Variants in MBTPS1 observed in about 807,000 individuals in gnomAD.
The protein encoded by MBTPS1 is membrane bound transcription factor peptidase, site 1.
MBTPS1 carries 94 observed loss-of-function variants against 127.8 expected under a neutral mutation model. The ratio of observed to expected loss-of-function variants is 0.74; its 90% CI spans 0.62 to 0.87. MBTPS1 has a LOEUF of 0.87. Ranked by LOEUF, MBTPS1 falls within the 40% of genes least tolerant of loss-of-function variation. The pLI is 0.00. For synonymous variants in MBTPS1, 632 were observed against 509.4 expected (o/e 1.24, Z -3.24); for missense variants, 1,636 against 1,353.2 (o/e 1.21, Z -3.28).
intron 11 of MBTPS1, among the ~76,000 whole-genome samples, chr16:84,078,009 T>C (rs2085886354): frequency 6.6e-6 from 1 of 151,282 alleles, no homozygotes; most frequent in African/African-American, 2.4e-5. Flanking sequence ...AATTAAACAA[T>C]ACTGAAATAC....
chr16:84,098,932 A>C (rs1432539957), intron 3 of MBTPS1, 121 bp downstream of exon 3: 4 of 1,035,606 alleles, frequency 3.9e-6, no homozygotes, highest in Non-Finnish European at 5.7e-6. Flanking sequence ...GAAAATGTTC[A>C]CAATTAGCAA....
In MBTPS1 at chr16:84,067,641, C is replaced by T. The variant is rs1032367141; in HGVS notation, c.2228+26G>A. 1.4e-5 allele frequency: 17 copies of T among 1,244,222 alleles called. No homozygotes were observed. In the Admixed American group the frequency reaches 3.2e-4, roughly 24 times the overall value. 77.1% of individuals were successfully genotyped at this position (1,244,222 alleles called of 1,614,324 possible). ...AATTTGATTCCCCAAAAGTCTTATC[C>T]AAATACCAATGCGTATCAACAGTAC... On this transcript the variant is annotated intron_variant, in intron 16 of 22. Coordinates refer to ENST00000343411, the MANE Select transcript of MBTPS1 (RefSeq NM_003791.4).
rs563774189 is a variant in MBTPS1 at position 84,095,778 on chromosome 16, G to A, written c.449C>T (p.Thr150Ile). The A allele has an allele frequency of 8.1e-6, 13 of 1,613,876 alleles. No homozygotes were observed. Among genetic ancestry groups the A allele is most frequent in the Non-Finnish European group, 1.1e-5 (13 of 1,179,986 alleles). ...TGATTGCCACTTCTGGCTCCACCGG[G>A]TTTCATTGCAGGGTACTGTGGGGTC... The part of the protein sequence containing the change: ...ESDPTVPCNE[T>I]RWSQKWQSSR... The change falls in exon 4 of 23, where the codon ACC becomes ATC. Residue 150 changes from threonine to isoleucine, a missense_variant. Physicochemically the swap from Thr to Ile is moderately conservative, Grantham distance 89 (BLOSUM62 -1). Coordinates refer to ENST00000343411, the MANE Select transcript of MBTPS1 (RefSeq NM_003791.4).
chr16:84,098,695 C>T lies in MBTPS1; in HGVS notation c.421+358G>A, dbSNP rs77324060. Among the ~76,000 whole-genome samples, 66 of 152,224 alleles carry T rather than the reference C, an allele frequency of 4.3e-4. No homozygotes were observed. In the East Asian group the frequency reaches 0.011, roughly 26 times the overall value. On this transcript the variant is annotated intron_variant, in intron 3 of 22. Coordinates refer to ENST00000343411, the MANE Select transcript of MBTPS1 (RefSeq NM_003791.4). ...CAAGGAAGAAGCAGACACAAGGACG[C>T]GTCTTTCAGCACGAGAAGGCGGCCG...
At chr16:84,113,972 T>C (rs1326129097) in intron 1 of MBTPS1, among the ~76,000 whole-genome samples, 3 of 150,998 alleles carry the variant, frequency 2.0e-5, no homozygotes, top group African/African-American at 7.3e-5. Context: ...TTTTTTTTTT[T>C]TTTCTTTTTT....
chr16:84,070,835 G>A (rs1212805855), intron 12 of MBTPS1, 59 bp from the exon 13 acceptor site: 3 of 1,383,628 alleles, frequency 2.2e-6, no homozygotes, highest in African/African-American at 1.5e-5. Context: ...GAAAACACGT[G>A]GAAACCAGAA....
chr16:84,105,305 C>T (rs1158333713), intron 1 of MBTPS1, among the ~76,000 whole-genome samples: 1 of 152,268 alleles, frequency 6.6e-6, no homozygotes, highest in South Asian at 2.1e-4. Flanking sequence ...ACAGAACAAA[C>T]ACGGACTATT....
intron 11 of MBTPS1, among the ~76,000 whole-genome samples, chr16:84,077,913 C>T (rs938991057): frequency 6.7e-6 from 1 of 149,204 alleles, no homozygotes; most frequent in Non-Finnish European, 1.5e-5. Context: ...AAGAAATGAA[C>T]AGACAATTCA....
chr16:84,077,302 A>G (rs1186396347), intron 11 of MBTPS1, among the ~76,000 whole-genome samples: 1 of 149,020 alleles, frequency 6.7e-6, no homozygotes, highest in Admixed American at 6.7e-5. Flanking sequence ...GAAAACAACG[A>G]AAAAAAAAAT....
At chr16:84,093,645 G>T in intron 5 of MBTPS1, 66 bp downstream of exon 5, 1 of 1,087,802 alleles carries the variant, frequency 9.2e-7, no homozygotes, top group South Asian at 1.3e-5. Context: ...ACAGACTGTG[G>T]AATCATGCAC....
intron 22 of MBTPS1, among the ~76,000 whole-genome samples, chr16:84,055,569 G>C (rs1050271142): frequency 1.3e-5 from 2 of 152,186 alleles, no homozygotes; most frequent in African/African-American, 2.4e-5. Context: ...TCCCTCCCAG[G>C]GGGGCAGGGC....
intron 2 of MBTPS1, among the ~76,000 whole-genome samples, chr16:84,100,014 A>G (rs924486284): frequency 2.0e-5 from 3 of 152,214 alleles, no homozygotes; most frequent in African/African-American, 7.2e-5. Flanking sequence ...ATGTGAGACT[A>G]TTTGCTCAGT....
intron 2 of MBTPS1, among the ~76,000 whole-genome samples, chr16:84,100,972 G>A (rs1319204874): frequency 1.0e-4 from 14 of 136,304 alleles, no homozygotes; most frequent in Non-Finnish European, 1.7e-4. Context: ...TGGCTAACAT[G>A]CTGAAACCCC....
In MBTPS1 at chr16:84,109,110, T is replaced by G. The variant is rs553427531; in HGVS notation, c.-324-7003A>C. On this transcript the variant is annotated intron_variant, in intron 1 of 22. Transcript: ENST00000343411. ...GCCCACAATTGGTTCTAAATATCAC[T>G]CTCCACTAAAAGAACCTAGGCTCTT... 2.6e-5 allele frequency among the ~76,000 whole-genome samples: 4 copies of G among 152,262 alleles called. No homozygotes were observed. In the South Asian group the frequency reaches 8.3e-4, roughly 32 times the overall value.
chr16:84,065,535 T>C (rs1416222318), intron 18 of MBTPS1, among the ~76,000 whole-genome samples, 155 bp downstream of exon 18: 1 of 152,192 alleles, frequency 6.6e-6, no homozygotes, highest in Non-Finnish European at 1.5e-5. Flanking sequence ...AACCACCGAA[T>C]TGTACACTTT....
At chr16:84,079,024 G>A (rs1437019724) in intron 11 of MBTPS1, among the ~76,000 whole-genome samples, 6 of 152,222 alleles carry the variant, frequency 3.9e-5, no homozygotes, top group African/African-American at 1.2e-4. Flanking sequence ...GGTCCTGGGG[G>A]AGACCCCTCA....
chr16:84,097,604 T>C (rs1031770521), intron 3 of MBTPS1, among the ~76,000 whole-genome samples: 1 of 152,228 alleles, frequency 6.6e-6, no homozygotes, highest in African/African-American at 2.4e-5. Context: ...TAAAGCATTC[T>C]AGAGCTCTTT....
chr16:84,100,377 T>C (rs1031100642), intron 2 of MBTPS1, among the ~76,000 whole-genome samples: 1 of 152,122 alleles, frequency 6.6e-6, no homozygotes, highest in Non-Finnish European at 1.5e-5. Flanking sequence ...AAACGCAGTC[T>C]CTACTAAAAA....
At chr16:84,087,513 G>C (rs1215417762) in intron 8 of MBTPS1, 53 bp from the exon 9 acceptor site, 6 of 1,201,476 alleles carry the variant, frequency 5.0e-6, no homozygotes, top group East Asian at 2.4e-5. Context: ...AAAAACAAGA[G>C]AAATAATTTA....
Sources: gnomAD v4.1 joint callset for allele counts (sites outside exome capture counted in the v4.1 genomes callset) on GRCh38, gnomAD v4.1.1 for gene constraint, MANE v1.5 for transcripts, NCBI Gene and HGNC (gene_info 2026-07-23, HGNC 2026-07-21) for gene names.